Variants in CPLANE1 observed in about 807,000 individuals in gnomAD.
CPLANE1 encodes ciliogenesis and planar polarity effector 1.
CPLANE1 carries 263 observed loss-of-function variants against 362.5 expected under a neutral mutation model. The ratio of observed to expected loss-of-function variants is 0.73; its 90% CI spans 0.66 to 0.80. The LOEUF (loss-of-function observed/expected upper bound fraction) is 0.80. Ranked by LOEUF, CPLANE1 falls within the 30% of genes least tolerant of loss-of-function variation. The pLI is 0.00. For synonymous variants in CPLANE1, 1,212 were observed against 1,302.6 expected, an observed-to-expected ratio of 0.93 and a Z score of 1.50; for missense variants, 3,461 against 3,793.4, an observed-to-expected ratio of 0.91 and a Z score of 2.30.
At chr5:37,238,788 C>T in intron 8 of CPLANE1, 69 bp downstream of exon 8, 2 of 800,572 alleles carry the variant, frequency 2.5e-6, no homozygotes, top group Non-Finnish European at 1.9e-6. Context: ...TGTGAGCTAC[C>T]ACACCTGACA....
chr5:37,115,021 T>C lies in CPLANE1; in HGVS notation c.9339A>G (p.Lys3113=), dbSNP rs368603190. The C allele has an allele frequency of 5.0e-6, 8 of 1,609,888 alleles. No individual in the cohort carries two copies. In the African/African-American group the frequency reaches 8.0e-5, roughly 16 times the overall value. ...TTACTGCTGCTTTGGCTCCACCAGC[T>C]TTTTTCTGTATGGTGAAAGTGGCAG... ...HGTATFTIQK[K]AGGAKAAVRK... Residue 3113 remains lysine, a synonymous_variant, in exon 51 of 53, where the codon AAA becomes AAG. Transcript: ENST00000651892.
intron 47 of CPLANE1, among the ~76,000 whole-genome samples, chr5:37,124,052 T>G (rs1763465576): frequency 6.6e-6 from 1 of 152,072 alleles, no homozygotes; most frequent in Non-Finnish European, 1.5e-5. Context: ...TCTCCTGGGC[T>G]ATCAAGAAAA....
At chr5:37,125,484 C>A (rs925190499) in intron 46 of CPLANE1, 75 bp from the exon 47 acceptor site, 16 of 1,397,966 alleles carry the variant, frequency 1.1e-5, no homozygotes, top group Non-Finnish European at 1.3e-5. Flanking sequence ...TGACTAAACA[C>A]TATTTATCCG....
Position 37,213,648 on chromosome 5 carries a change from C to T in CPLANE1, c.2831G>A (p.Arg944His), listed in dbSNP as rs863225165. The change falls in exon 16 of 53, where the codon CGT becomes CAT. Residue 944 changes from arginine to histidine, a missense_variant. Physicochemically the swap from Arg to His is conservative, Grantham distance 29 (BLOSUM62 0). Around this residue, in one of 2 missense-constraint regions of CPLANE1, gnomAD observed 3,380 missense variants for 3,666.1 expected, o/e 0.92. Coordinates refer to ENST00000651892, the MANE Select transcript of CPLANE1 (RefSeq NM_001384732.1). Reference sequence around the variant, plus strand: ...ATTGGTGAAATAGGCAGCCATGAAACGAGCCATGGACTGGACGACTCTCAC... The same window carrying T: ...ATTGGTGAAATAGGCAGCCATGAAATGAGCCATGGACTGGACGACTCTCAC... ...AAVRVVQSMA[R>H]FMAAYFTNQQ... 7.1e-6 allele frequency: 11 copies of T among 1,546,010 alleles called. No homozygotes were observed. The Admixed American group carries it at 1.6e-4, about 22-fold the overall frequency.
chr5:37,226,549 T>C lies in CPLANE1; in HGVS notation c.2046A>G (p.Ser682=), dbSNP rs1200591800. Residue 682 remains serine, a synonymous_variant, in exon 12 of 53, where the codon TCA becomes TCG. Transcript: ENST00000651892. The part of the protein sequence containing the change: ...LTQQQKGQLF[S]EKLLACFYLL... ...AATAAAAACAAGCTAAAAGTTTCTC[T>C]GAGAATAACTGACCCTTTTGTTGCT... 1 of 1,546,174 alleles carries C rather than the reference T, an allele frequency of 6.5e-7. No homozygotes were observed. Among genetic ancestry groups the C allele is most frequent in the South Asian group, 1.2e-5 (1 of 82,516 alleles).
In CPLANE1 at chr5:37,187,805, C is replaced by G. The variant is rs1157547926; in HGVS notation, c.3849G>C (p.Leu1283=). Residue 1283 remains leucine (L), a synonymous_variant, in exon 22 of 53, where the codon CTG becomes CTC. Coordinates refer to ENST00000651892, the MANE Select transcript of CPLANE1 (RefSeq NM_001384732.1). The part of the protein sequence containing the change: ...FRELCALCWM[L]HVRDKLSYSC... ...TATAGGATAACTTATCACGGACATGCAGCATCCAACACAGAGCACAAAGTT... is the reference window on the plus strand; with the variant it reads ...TATAGGATAACTTATCACGGACATGGAGCATCCAACACAGAGCACAAAGTT... 1 of 1,613,844 alleles carries G rather than the reference C, an allele frequency of 6.2e-7. No homozygotes were observed. Among genetic ancestry groups the G allele is most frequent in the Admixed American group, 1.7e-5 (1 of 60,010 alleles).
intron 42 of CPLANE1, among the ~76,000 whole-genome samples, chr5:37,148,974 C>T (rs991775398): frequency 6.6e-6 from 1 of 152,120 alleles, no homozygotes; most frequent in Non-Finnish European, 1.5e-5. Flanking sequence ...TTGCTTCAAC[C>T]TGGGAGGCAG....
intron 23 of CPLANE1, 34 bp from the exon 24 acceptor site, chr5:37,186,428 A>G (rs779634298): frequency 1.1e-6 from 1 of 926,440 alleles, no homozygotes; most frequent in Non-Finnish European, 1.8e-6. Context: ...TTTTATGAGA[A>G]ACATCATTCT....
rs1316586792 is a variant in CPLANE1 at position 37,227,441 on chromosome 5, A to AT, written c.1372-50dup. The AT allele has an allele frequency of 7.3e-6, 11 of 1,500,592 alleles. No individual in the cohort carries two copies. The Admixed American group carries it at 7.4e-5, about 10-fold the overall frequency. The allele number at this position is 1,500,592 out of a possible 1,614,324, so 93.0% of individuals were successfully genotyped here. A position where few individuals can be genotyped will look rare whatever the true frequency, so the allele number is the denominator to read the frequency against. Reference sequence around the variant, plus strand: ...TTCCAAGAGCAAAATGTTATCTGTAATTCTATTATAAGCAATTAAAAATTC... The same window carrying AT: ...TTCCAAGAGCAAAATGTTATCTGTAATTTCTATTATAAGCAATTAAAAATTC... On this transcript the variant is annotated intron_variant, in intron 10 of 52. Coordinates refer to ENST00000651892, the MANE Select transcript of CPLANE1 (RefSeq NM_001384732.1).
At chr5:37,233,291 C>G (rs1402759946) in intron 8 of CPLANE1, among the ~76,000 whole-genome samples, 3 of 152,056 alleles carry the variant, frequency 2.0e-5, no homozygotes, top group African/African-American at 7.2e-5. Flanking sequence ...CTGGGAGGCT[C>G]CCTATCACCC....
At chr5:37,085,277 G>A in the CPLANE1 span, 1 of 911,752 alleles carries the variant, frequency 1.1e-6, no homozygotes, top group Non-Finnish European at 1.8e-6. Flanking sequence ...TTGATGGCAA[G>A]GTACGAACTG....
Position 37,205,324 on chromosome 5 carries a change from GT to G in CPLANE1, c.3279del (p.Lys1093AsnfsTer23). ...TACATACATAACACACCTGTAAACTGTTTATATTTTGAGCCCATTTCATTTT... is the reference window on the plus strand; with the variant it reads ...TACATACATAACACACCTGTAAACTGTTATATTTTGAGCCCATTTCATTTT... ...EAKNEMGSKY[K>X]QFTDPIEEED... is the part of the protein sequence containing the mutation. On this transcript the variant is annotated frameshift_variant, in exon 18 of 53. Coordinates refer to ENST00000651892, the MANE Select transcript of CPLANE1 (RefSeq NM_001384732.1). 1 of 1,550,824 alleles carries G rather than the reference GT, an allele frequency of 6.4e-7. No homozygotes were observed. Among genetic ancestry groups the G allele is most frequent in the Non-Finnish European group, 8.7e-7 (1 of 1,146,670 alleles).
At chr5:37,101,797 A>C (rs1757305139), downstream of CPLANE1, among the ~76,000 whole-genome samples, 2 of 152,192 alleles carry the variant, frequency 1.3e-5, no homozygotes, top group South Asian at 4.1e-4. Context: ...TGATCTATTC[A>C]GGAATTCAAT....
At chr5:37,228,301 A>C (rs950702333) in intron 9 of CPLANE1, among the ~76,000 whole-genome samples, 1 of 152,170 alleles carries the variant, frequency 6.6e-6, no homozygotes, top group Non-Finnish European at 1.5e-5. Context: ...ACTTAAACAT[A>C]CAATATTGTT....
At chr5:37,077,606 CTTTTTTTTTT>C in the CPLANE1 span, among the ~76,000 whole-genome samples, 2 of 75,922 alleles carry the variant, frequency 2.6e-5, no homozygotes, top group Admixed American at 1.9e-4. Context: ...GTGTGTGTGT[CTTTTTTTTTT>C]TTTTTTTTTT....
intron 45 of CPLANE1, among the ~76,000 whole-genome samples, 183 bp from the exon 46 acceptor site, chr5:37,139,031 T>C (rs1768780834): frequency 6.6e-6 from 1 of 152,172 alleles, no homozygotes; most frequent in Non-Finnish European, 1.5e-5. Flanking sequence ...AATGACTTGG[T>C]AGATTTTCTT....
intron 50 of CPLANE1, among the ~76,000 whole-genome samples, chr5:37,115,957 T>C (rs1286764399): frequency 6.6e-6 from 1 of 151,946 alleles, no homozygotes; most frequent in African/African-American, 2.4e-5. Context: ...TGTATTGTAG[T>C]TGACAGAACT....
At chr5:37,207,334 C>T (rs73750953) in intron 16 of CPLANE1, among the ~76,000 whole-genome samples, 2,045 of 152,282 alleles carry the variant, frequency 0.013, 41 homozygotes, top group African/African-American at 0.047. Context: ...CTCTGACAAA[C>T]ACATCAGGAA....
chr5:37,220,974 C>T (rs1007503327), intron 15 of CPLANE1, among the ~76,000 whole-genome samples: 1 of 152,176 alleles, frequency 6.6e-6, no homozygotes, highest in Non-Finnish European at 1.5e-5. Context: ...ATACTATCAG[C>T]TCAGCAGGCA....
Sources: allele counts gnomAD v4.1 joint callset (sites outside exome capture counted in the v4.1 genomes callset), GRCh38; gene constraint gnomAD v4.1.1; regional missense constraint gnomAD v4.1.1; transcripts MANE v1.5; gene names NCBI Gene and HGNC (gene_info 2026-07-23, HGNC 2026-07-21).